KIF20B: variants seen among roughly 807,000 people sequenced by gnomAD.
The protein encoded by KIF20B is kinesin family member 20B, also known as kinesin-like protein KIF20B.
Under a neutral mutation model 232.5 loss-of-function variants are expected in KIF20B, and 188 were observed. The observed-to-expected ratio is 0.81, with a 90% CI of 0.72 to 0.91. KIF20B has a LOEUF of 0.91. KIF20B is among the 40% of genes least tolerant of loss of function. The pLI is 0.00. For synonymous variants in KIF20B, 712 were observed against 683.0 expected (o/e 1.04, Z -0.66); for missense variants, 2,154 against 2,055.9 (o/e 1.05, Z -0.92).
intron 2 of KIF20B, among the ~76,000 whole-genome samples, chr10:89,708,618 A>G (rs1333230018): frequency 3.9e-5 from 6 of 152,106 alleles, no homozygotes. Context: ...TTTGCTTCAT[A>G]GAAATTGGGT....
intron 15 of KIF20B, among the ~76,000 whole-genome samples, chr10:89,725,810 T>A (rs1296345551): frequency 1.3e-5 from 2 of 152,166 alleles, no homozygotes; most frequent in Non-Finnish European, 2.9e-5. Context: ...TTGATCAGTT[T>A]TTTGGGGGAG....
chr10:89,716,158 G>T (rs1167975206), intron 8 of KIF20B, among the ~76,000 whole-genome samples: 1 of 151,916 alleles, frequency 6.6e-6, no homozygotes, highest in South Asian at 2.1e-4. Flanking sequence ...TTTTCCCTGA[G>T]TGTCTAATTC....
Position 89,738,421 on chromosome 10 carries a change from A to C in KIF20B, c.3580A>C (p.Ile1194Leu), listed in dbSNP as rs754417788. 3 of 1,601,096 alleles carry C rather than the reference A, an allele frequency of 1.9e-6. No homozygotes were observed. Among genetic ancestry groups the C allele is most frequent in the East Asian group, 2.2e-5 (1 of 44,742 alleles). ...AGACATTTTGGAAAAGGAATCTATCATCTTAAAGCTAGAAAGAAATTTGAA... is the reference window on the plus strand; with the variant it reads ...AGACATTTTGGAAAAGGAATCTATCCTCTTAAAGCTAGAAAGAAATTTGAA... ...EQDILEKESI[I>L]LKLERNLKEF... is the part of the protein sequence containing the mutation. Residue 1194 changes from isoleucine (I) to leucine (L), a missense_variant, in exon 20 of 33, where the codon ATC becomes CTC. Ile to Leu is a conservative substitution (Grantham distance 5). Coordinates refer to ENST00000371728, the MANE Select transcript of KIF20B (RefSeq NM_001284259.2).
At position 89,739,028 on chromosome 10, in the gene KIF20B, G is replaced by T. The variant is rs1166413600; in HGVS notation, c.3847G>T (p.Glu1283Ter). Residue 1283 changes from glutamate to a stop codon, truncating the protein, a stop_gained, in exon 21 of 33, where the codon GAA becomes TAA. Transcript: ENST00000371728. LOFTEE classifies it high-confidence loss of function. The part of the protein sequence containing the change: ...NLKADLQRKE[E>*]DYADLKEKLT... ...GAAAGCAGATCTTCAGAGGAAGGAA[G>T]AAGATTATGCTGACCTGAAAGAGAA... 1 of 1,613,450 alleles carries T rather than the reference G, an allele frequency of 6.2e-7. No homozygotes were observed. Among genetic ancestry groups the T allele is most frequent in the East Asian group, 2.2e-5 (1 of 44,792 alleles).
At chr10:89,767,432 C>T (rs550297341) in intron 29 of KIF20B, among the ~76,000 whole-genome samples, 2 of 151,380 alleles carry the variant, frequency 1.3e-5, no homozygotes, top group East Asian at 3.9e-4. Flanking sequence ...TCTCTTTTCA[C>T]TGGCATCCTA....
At chr10:89,719,754 G>T in intron 13 of KIF20B, 48 bp downstream of exon 13, 1 of 1,413,618 alleles carries the variant, frequency 7.1e-7, no homozygotes, top group Non-Finnish European at 9.6e-7. Context: ...TTATTCTGAA[G>T]TTAAGGTTAA....
At chr10:89,729,940 A>G (rs1426390345) in intron 18 of KIF20B, among the ~76,000 whole-genome samples, 2 of 152,196 alleles carry the variant, frequency 1.3e-5, no homozygotes, top group East Asian at 3.8e-4. Flanking sequence ...CTTAGAGCCA[A>G]ACATCTTGCT....
At chr10:89,771,114 T>C (rs1295639587) in intron 31 of KIF20B, among the ~76,000 whole-genome samples, 2 of 152,018 alleles carry the variant, frequency 1.3e-5, no homozygotes, top group Admixed American at 6.6e-5. Flanking sequence ...TTGTCTTAGC[T>C]GGCCCCTTAC....
At position 89,714,954 on chromosome 10, in the gene KIF20B, G is replaced by A; in HGVS notation, c.713-1G>A. The A allele has an allele frequency of 1.3e-6, 2 of 1,499,326 alleles. No homozygotes were observed. The highest frequency in any genetic ancestry group is 1.8e-6 in the Non-Finnish European group (2 of 1,104,622). The allele number at this position is 1,499,326 out of a possible 1,614,324, so 92.9% of individuals were successfully genotyped here. On this transcript the variant is annotated splice_acceptor_variant, in intron 7 of 32. Transcript: ENST00000371728. LOFTEE classifies it high-confidence loss of function. ...GTTTTTTCTTTTTCTTTTTTTTGTAGGAAGTTTAACTAACTCTTTGAATAT... is the reference window on the plus strand; with the variant it reads ...GTTTTTTCTTTTTCTTTTTTTTGTAAGAAGTTTAACTAACTCTTTGAATAT...
intron 25 of KIF20B, among the ~76,000 whole-genome samples, chr10:89,753,872 C>T (rs988164165): frequency 1.3e-5 from 2 of 152,080 alleles, no homozygotes; most frequent in African/African-American, 4.8e-5. Context: ...CCCACCTTGG[C>T]CTCCCAAACT....
At chr10:89,710,899 C>G in intron 5 of KIF20B, 62 bp from the exon 6 acceptor site, 2 of 1,357,376 alleles carry the variant, frequency 1.5e-6, no homozygotes, top group Middle Eastern at 5.0e-4. Flanking sequence ...CTTTAATAAA[C>G]AAGTAAAGTT....
intron 26 of KIF20B, among the ~76,000 whole-genome samples, chr10:89,756,590 GT>G (rs1476020079): frequency 1.3e-5 from 2 of 152,132 alleles, no homozygotes. Context: ...ATAGAACATA[GT>G]TCAGTGAGTT....
chr10:89,756,890 T>C (rs906359779), intron 26 of KIF20B, among the ~76,000 whole-genome samples: 2 of 152,122 alleles, frequency 1.3e-5, no homozygotes, highest in African/African-American at 4.8e-5. Context: ...TTTAAGTGTA[T>C]GAATAAACCA....
chr10:89,731,164 TAAAAAC>T (rs1431862752), intron 18 of KIF20B, among the ~76,000 whole-genome samples: 6 of 152,052 alleles, frequency 3.9e-5, no homozygotes, highest in Admixed American at 1.3e-4. Context: ...ATTTGGTAAA[TAAAAAC>T]AAAAAGGAAA....
At chr10:89,756,118 T>C (rs546886342) in intron 26 of KIF20B, among the ~76,000 whole-genome samples, 1 of 152,312 alleles carries the variant, frequency 6.6e-6, no homozygotes, top group East Asian at 1.9e-4. Flanking sequence ...GTGTGTCCTT[T>C]CTGAAGCTAG....
intron 1 of KIF20B, among the ~76,000 whole-genome samples, chr10:89,703,755 CTTTTT>C (rs68124594): frequency 2.0e-4 from 27 of 137,528 alleles, no homozygotes; most frequent in South Asian, 2.4e-4. Context: ...AGGCTTTTCC[CTTTTT>C]TTTTTTTTTT....
chr10:89,715,503 ATTCTTCCGGAGTGGTTT>A (rs1293665558), intron 8 of KIF20B, among the ~76,000 whole-genome samples: 7 of 152,182 alleles, frequency 4.6e-5, no homozygotes, highest in Non-Finnish European at 1.0e-4. Flanking sequence ...AAATGTTACT[ATTCTTCCGGAGTGGTTT>A]TTCTAACCTT....
intron 18 of KIF20B, among the ~76,000 whole-genome samples, chr10:89,729,743 A>T (rs1843278049): frequency 6.6e-6 from 1 of 152,232 alleles, no homozygotes; most frequent in African/African-American, 2.4e-5. Context: ...TAAAGACTTA[A>T]AGGGTTGTCT....
chr10:89,768,312 A>G lies in KIF20B; in HGVS notation c.5012A>G (p.Lys1671Arg), dbSNP rs781388195. 11 of 1,574,402 alleles carry G rather than the reference A, an allele frequency of 7.0e-6. No homozygotes were observed. The highest frequency in any genetic ancestry group is 1.8e-5 in the Admixed American group (1 of 54,380). The change falls in exon 30 of 33, where the codon AAG (lysine) becomes AGG (arginine). Residue 1671 changes from lysine to arginine, a missense_variant. Physicochemically the swap from Lys to Arg is conservative, Grantham distance 26 (BLOSUM62 2). Coordinates refer to ENST00000371728, the MANE Select transcript of KIF20B (RefSeq NM_001284259.2). ...MEEDLVKCENKKNATPRTNLK... is the reference protein window; with the variant it reads ...MEEDLVKCENRKNATPRTNLK... The stretch of plus-strand genomic sequence containing the variant: ...TAGGACTTGGTGAAATGTGAAAATA[A>G]GAAGAATGCTACACCCAGAACTAAT...
Sources: allele counts gnomAD v4.1 joint callset (sites outside exome capture counted in the v4.1 genomes callset), GRCh38; gene constraint gnomAD v4.1.1; transcripts MANE v1.5; gene names NCBI Gene and HGNC (gene_info 2026-07-23, HGNC 2026-07-21).